The following MIGA1 variants were observed in gnomAD, a reference collection of about 807,000 sequenced individuals.
The protein encoded by MIGA1 is mitoguardin 1, also known as family with sequence similarity 73, member A.
In MIGA1, 58 loss-of-function variants were observed where a neutral mutation model predicts 82.0. The ratio of observed to expected loss-of-function variants is 0.71; its 90% CI spans 0.57 to 0.88. The LOEUF (loss-of-function observed/expected upper bound fraction) is 0.88, where lower values mean the gene tolerates loss of function less well. MIGA1 is among the 40% of genes least tolerant of loss of function. The pLI is 0.00. For synonymous variants in MIGA1, 249 were observed against 253.6 expected (o/e 0.98, Z 0.17); for missense variants, 751 against 749.1 (o/e 1.00, Z -0.03).
intron 7 of MIGA1, among the ~76,000 whole-genome samples, chr1:77,841,512 A>G (rs954212973): frequency 2.0e-5 from 3 of 151,114 alleles, no homozygotes; most frequent in Admixed American, 1.3e-4. Context: ...TTGGAATATA[A>G]TTGATTGTAC....
chr1:77,848,203 G>A (rs867591437), intron 8 of MIGA1: 3 of 1,444,178 alleles, frequency 2.1e-6, no homozygotes, highest in Middle Eastern at 3.5e-4. Context: ...CCCATTGGAA[G>A]AGGCATGAAC....
At chr1:77,832,476 A>G (rs1684277321) in intron 7 of MIGA1, among the ~76,000 whole-genome samples, 1 of 152,234 alleles carries the variant, frequency 6.6e-6, no homozygotes, top group Admixed American at 6.5e-5. Flanking sequence ...CATGTTTATA[A>G]AGTGCTATGG....
chr1:77,784,909 C>T (rs928171443), intron 2 of MIGA1, among the ~76,000 whole-genome samples: 2 of 152,300 alleles, frequency 1.3e-5, no homozygotes, highest in Middle Eastern at 3.4e-3. Context: ...GTGACACTTA[C>T]TCATTATCAT....
At chr1:77,852,003 G>A in intron 8 of MIGA1, among the ~76,000 whole-genome samples, 1 of 151,414 alleles carries the variant, frequency 6.6e-6, no homozygotes, top group East Asian at 1.9e-4. Flanking sequence ...TTCTGCCTCA[G>A]CCTCCCAAGT....
At chr1:77,860,291 A>G (rs886459418) in intron 11 of MIGA1, 165 bp downstream of exon 11, 2 of 544,360 alleles carry the variant, frequency 3.7e-6, no homozygotes, top group Non-Finnish European at 3.2e-6. Flanking sequence ...AGTCCACACT[A>G]TTTCAACCAA....
intron 11 of MIGA1, 170 bp downstream of exon 11, chr1:77,860,296 A>C: frequency 4.1e-5 from 22 of 540,220 alleles, no homozygotes; most frequent in East Asian, 1.2e-4. Flanking sequence ...ACACTATTTC[A>C]ACCAAGTTGT....
intron 8 of MIGA1, chr1:77,847,228 A>C (rs1684877418): frequency 1.8e-6 from 2 of 1,119,612 alleles, no homozygotes; most frequent in South Asian, 2.5e-5. Flanking sequence ...TGAGACCTCC[A>C]TGAGTGAAAG....
chr1:77,832,572 G>A (rs1373285191), intron 7 of MIGA1, among the ~76,000 whole-genome samples: 1 of 152,216 alleles, frequency 6.6e-6, no homozygotes, highest in Non-Finnish European at 1.5e-5. Context: ...AAGAAAGATG[G>A]TCTGCTAGGG....
chr1:77,844,115 T>A (rs71641310), intron 8 of MIGA1, among the ~76,000 whole-genome samples: 5,288 of 58,844 alleles, frequency 0.09, 255 homozygotes, highest in African/African-American at 0.17. Flanking sequence ...AAAAAAAAAA[T>A]ATATATATAT....
At chr1:77,867,995 A>C (rs1455605564) in intron 14 of MIGA1, among the ~76,000 whole-genome samples, 1 of 152,194 alleles carries the variant, frequency 6.6e-6, no homozygotes, top group Non-Finnish European at 1.5e-5. Flanking sequence ...TTCTCACACT[A>C]GCTAGCATGA....
chr1:77,802,073 T>C (rs540680180), intron 3 of MIGA1, among the ~76,000 whole-genome samples: 62 of 152,306 alleles, frequency 4.1e-4, no homozygotes, highest in Middle Eastern at 3.4e-3. Context: ...TTGCTGTCTT[T>C]TAAAGGATCT....
rs977958262 is a variant in MIGA1, at chr1:77,848,243, A to G, written c.996+4836A>G. On this transcript the variant is annotated intron_variant, in intron 8 of 15. Coordinates refer to ENST00000370791, the MANE Select transcript of MIGA1 (RefSeq NM_198549.4). ...AGATAAACTAAGGGCGAGGGACCAA[A>G]GAGAAAGAAGTGACAGAGTGTGGAA... 5 of 1,403,942 alleles carry G rather than the reference A, an allele frequency of 3.6e-6. No individual in the cohort carries two copies. In the African/African-American group the frequency reaches 7.1e-5, roughly 20 times the overall value. The allele number at this position is 1,403,942 out of a possible 1,614,324, so 87.0% of individuals were successfully genotyped here. A position where few individuals can be genotyped will look rare whatever the true frequency, so the allele number is the denominator to read the frequency against.
chr1:77,805,877 T>C (rs1018939778), intron 4 of MIGA1, among the ~76,000 whole-genome samples: 1 of 152,182 alleles, frequency 6.6e-6, no homozygotes, highest in Non-Finnish European at 1.5e-5. Flanking sequence ...GTGCCTCTTC[T>C]GAATTTCCTC....
chr1:77,852,933 C>T (rs1334765394), intron 8 of MIGA1, among the ~76,000 whole-genome samples: 4 of 152,136 alleles, frequency 2.6e-5, no homozygotes, highest in Non-Finnish European at 4.4e-5. Flanking sequence ...TCAAGTGATC[C>T]GCCTGCCTCG....
At chr1:77,798,695 T>A (rs557967155) in intron 2 of MIGA1, among the ~76,000 whole-genome samples, 1 of 152,334 alleles carries the variant, frequency 6.6e-6, no homozygotes, top group South Asian at 2.1e-4. Flanking sequence ...TTACATGGCC[T>A]TCCCCTTTGT....
chr1:77,874,768 G>A (rs1646880896), intron 15 of MIGA1, 78 bp from the exon 16 acceptor site: 1 of 981,742 alleles, frequency 1.0e-6, no homozygotes, highest in African/African-American at 1.6e-5. Context: ...CTGATTCAGT[G>A]CTCATTATAA....
intron 7 of MIGA1, among the ~76,000 whole-genome samples, chr1:77,815,902 A>T (rs1206530835): frequency 6.6e-6 from 1 of 151,688 alleles, no homozygotes; most frequent in Admixed American, 6.6e-5. Context: ...GCTAATTAAA[A>T]AAATTTTTTT....
Position 77,875,034 on chromosome 1 carries a change from C to T in MIGA1, c.1869C>T (p.Ser623=). The change falls in exon 16 of 16, where the codon TCC becomes TCT. Residue 623 remains serine, a synonymous_variant. Coordinates refer to ENST00000370791, the MANE Select transcript of MIGA1 (RefSeq NM_198549.4). ...TAAGCAGTCATGGTCATGTTATGTC[C>T]ACTGGGCTACTGGAAGCCAAAGTAC... 6.2e-7 allele frequency: 1 copy of T among 1,614,042 alleles called. No homozygotes were observed. Among genetic ancestry groups the T allele is most frequent in the Non-Finnish European group, 8.5e-7 (1 of 1,179,962 alleles).
intron 7 of MIGA1, among the ~76,000 whole-genome samples, chr1:77,816,030 G>A (rs537518800): frequency 4.2e-4 from 64 of 152,184 alleles, no homozygotes; most frequent in African/African-American, 1.4e-3. Context: ...CTCAAACTCC[G>A]CCTCCCAAGT....
Sources: allele counts gnomAD v4.1 joint callset (sites outside exome capture counted in the v4.1 genomes callset), GRCh38; gene constraint gnomAD v4.1.1; transcripts MANE v1.5; gene names NCBI Gene and HGNC (gene_info 2026-07-23, HGNC 2026-07-21).